NFKBIE: variants seen among roughly 807,000 people sequenced by gnomAD.
The protein encoded by NFKBIE is NF-kappa-B inhibitor epsilon.
Under a neutral mutation model 31.6 loss-of-function variants are expected in NFKBIE, and 11 were observed. The observed-to-expected ratio is 0.35, with a 90% CI of 0.22 to 0.58. The LOEUF (loss-of-function observed/expected upper bound fraction) is 0.58. Among genes scored for constraint, NFKBIE ranks in the 20% least tolerant of loss-of-function variants. NFKBIE has a pLI of 0.83. For missense variants in NFKBIE, 354 were observed against 465.7 expected (o/e 0.76, Z 2.21); for synonymous variants, 208 against 210.1 (o/e 0.99, Z 0.09).
chr6:44,261,491 A>C lies in NFKBIE; in HGVS notation c.691+135T>G, dbSNP rs1781919312. 4 of 798,492 alleles carry C rather than the reference A, an allele frequency of 5.0e-6. No individual in the cohort carries two copies. Among genetic ancestry groups the C allele is most frequent in the South Asian group, 1.8e-5 (1 of 56,584 alleles). The allele number at this position is 798,492 out of a possible 1,614,324, so 49.5% of individuals were successfully genotyped here. ...TCATTCATTTGGCAAAGATGTACTG[A>C]ATATCTATGTGCTTACAGTGGGAGG... On this transcript the variant is annotated intron_variant, in intron 3 of 5. Transcript: ENST00000619360. This position sits in a 1 kb window ranked among gnomAD's most constrained non-coding sequence, Gnocchi z 4.3.
intron 1 of NFKBIE, among the ~76,000 whole-genome samples, chr6:44,264,758 T>C (rs896385538): frequency 1.3e-5 from 2 of 152,188 alleles, no homozygotes; most frequent in African/African-American, 4.8e-5. Context: ...AGATGCTGGC[T>C]GGGTTAAGGG....
At chr6:44,262,434 T>TCTGAGC in intron 2 of NFKBIE, 126 bp downstream of exon 2, 3 of 772,428 alleles carry the variant, frequency 3.9e-6, no homozygotes, top group Non-Finnish European at 6.5e-6. Flanking sequence ...GTCTGTCTCC[T>TCTGAGC]CAGTTTCTAG....
At position 44,260,790 on chromosome 6, in the gene NFKBIE, C is replaced by A. The variant is rs1205634412; in HGVS notation, c.692-251G>T. 6.6e-6 allele frequency among the ~76,000 whole-genome samples: 1 copy of A among 151,334 alleles called. No individual in the cohort carries two copies. ...TCAGGGGTCAGGCTGCTGAGTGACA[C>A]CCCCAAAGAACACCCTCCTCCTATA... is the stretch of plus-strand genomic sequence containing the variant. On this transcript the variant is annotated intron_variant, in intron 3 of 5. Transcript: ENST00000619360. This position sits in a 1 kb window ranked among gnomAD's most constrained non-coding sequence, Gnocchi z 5.5.
At position 44,265,516 on chromosome 6, in the gene NFKBIE, G is replaced by A; in HGVS notation, c.-170C>T. ...GGGGCCGGCGCGCAGCGAGGACAAG[G>A]TTCGGAGCGCTGGCCAGGTCCACCC... On this transcript the variant is annotated 5_prime_UTR_variant, in exon 1 of 6. Transcript: ENST00000619360. 3 of 1,559,966 alleles carry A rather than the reference G, an allele frequency of 1.9e-6. No homozygotes were observed. The highest frequency in any genetic ancestry group is 2.6e-6 in the Non-Finnish European group (3 of 1,154,492).
At chr6:44,262,515 A>C in intron 2 of NFKBIE, 45 bp downstream of exon 2, 1 of 1,538,398 alleles carries the variant, frequency 6.5e-7, no homozygotes. Flanking sequence ...AATGGCTGCC[A>C]GGGCACAAAC....
At position 44,262,475 on chromosome 6, in the gene NFKBIE, A is replaced by G. The variant is rs908415722; in HGVS notation, c.468+85T>C. 7 of 1,172,812 alleles carry G rather than the reference A, an allele frequency of 6.0e-6. No individual in the cohort carries two copies. In the African/African-American group the frequency reaches 6.1e-5, roughly 10 times the overall value. 72.7% of individuals were successfully genotyped at this position (1,172,812 alleles called of 1,614,324 possible). On this transcript the variant is annotated intron_variant, in intron 2 of 5. Transcript: ENST00000619360. ...TGTCTGGCATATGGTTTCCTAAGTG[A>G]GCAGCCTTTGGACTGGTATGGCTGC...
At position 44,264,973 on chromosome 6, in the gene NFKBIE, C is replaced by G. The variant is rs536739254; in HGVS notation, c.365+9G>C. ...TAGCATCCCGATTCAGCCTAGCCCCCATACTCACGTGTCTCCGTCCTCGGA... is the reference window on the plus strand; with the variant it reads ...TAGCATCCCGATTCAGCCTAGCCCCGATACTCACGTGTCTCCGTCCTCGGA... On this transcript the variant is annotated intron_variant, in intron 1 of 5. Transcript: ENST00000619360. 6.7e-4 allele frequency: 1,050 copies of G among 1,559,260 alleles called. 2 individuals carry two copies. Among genetic ancestry groups the G allele is most frequent in the Non-Finnish European group, 8.8e-4 (1,013 of 1,152,300 alleles).
rs1259960253 is a variant in NFKBIE, at chr6:44,265,045, T to C, written c.302A>G (p.His101Arg). ...CTGCTGAGGGCTCAGCGCCCCCACG[T>C]GGGGGAGTGGCAGGCGTGGGGCCGG... ...EDPAPRLPLP[H>R]VGALSPQQLE... The change falls in exon 1 of 6, where the codon CAC (histidine) becomes CGC (arginine). Residue 101 changes from histidine to arginine, a missense_variant. By Grantham distance (29) the His-to-Arg change is conservative (BLOSUM62 0). Transcript: ENST00000619360. The C allele has an allele frequency of 6.3e-7, 1 of 1,583,936 alleles. No homozygotes were observed. Among genetic ancestry groups the C allele is most frequent in the East Asian group, 2.3e-5 (1 of 43,950 alleles).
At position 44,263,435 on chromosome 6, in the gene NFKBIE, G is replaced by C. The variant is rs28362185; in HGVS notation, c.366-773C>G. Among the ~76,000 whole-genome samples, 1 of 152,100 alleles carries C rather than the reference G, an allele frequency of 6.6e-6. No individual in the cohort carries two copies. The highest frequency in any genetic ancestry group is 1.5e-5 in the Non-Finnish European group (1 of 68,012). On this transcript the variant is annotated intron_variant, in intron 1 of 5. Transcript: ENST00000619360. The surrounding 1 kb of genome is among the most constrained non-coding windows in gnomAD (Gnocchi z 5.0). ...AAGCCAGTGATGGAGGGTCTAGGCC[G>C]GGACAGCTGCCTTGGGGCATTAGTG...
Position 44,263,780 on chromosome 6 carries a change from C to G in NFKBIE, c.366-1118G>C, listed in dbSNP as rs1782013452. ...TCGCTGGGGAGCCCGGACATTTCTC[C>G]CCTCCACACACACACCCAATCTGGA... On this transcript the variant is annotated intron_variant, in intron 1 of 5. Transcript: ENST00000619360. This position sits in a 1 kb window ranked among gnomAD's most constrained non-coding sequence, Gnocchi z 5.0. Among the ~76,000 whole-genome samples, 1 of 152,126 alleles carries G rather than the reference C, an allele frequency of 6.6e-6. No individual in the cohort carries two copies. Among genetic ancestry groups the G allele is most frequent in the Non-Finnish European group, 1.5e-5 (1 of 68,022 alleles).
In NFKBIE at chr6:44,260,145, A is replaced by G. The variant is rs1383064417; in HGVS notation, c.918T>C (p.Ala306=). The G allele has an allele frequency of 3.1e-6, 5 of 1,614,240 alleles. No homozygotes were observed. In the Admixed American group the frequency reaches 6.7e-5, roughly 22 times the overall value. Residue 306 remains alanine, a synonymous_variant, in exon 5 of 6, where the codon GCT becomes GCC. Transcript: ENST00000619360. The surrounding 1 kb of genome is among the most constrained non-coding windows in gnomAD (Gnocchi z 5.5). The part of the protein sequence containing the change: ...LNGCTPLHLA[A]GRGLMGISST... ...ATGAGATGCCCATGAGACCCCGGCC[A>G]GCTGCCAGGTGCAGGGGTGTGCACC...
chr6:44,260,652 C>A lies in NFKBIE; in HGVS notation c.692-113G>T. ...AAGGGACTCACAGCCCACTCAATGT[C>A]TCTAATCACAAGACTGTTAAAATGC... On this transcript the variant is annotated intron_variant, in intron 3 of 5. Coordinates refer to ENST00000619360, the MANE Select transcript of NFKBIE (RefSeq NM_004556.3). The surrounding 1 kb of genome is among the most constrained non-coding windows in gnomAD (Gnocchi z 5.5). 1.0e-6 allele frequency: 1 copy of A among 964,954 alleles called. No individual in the cohort carries two copies. The highest frequency in any genetic ancestry group is 1.7e-6 in the Non-Finnish European group (1 of 605,398). 59.8% of individuals were successfully genotyped at this position (964,954 alleles called of 1,614,324 possible). A position where few individuals can be genotyped will look rare whatever the true frequency, so the allele number is the denominator to read the frequency against.
At chr6:44,259,592 G>A (rs543015118) in intron 5 of NFKBIE, among the ~76,000 whole-genome samples, 6 of 151,578 alleles carry the variant, frequency 4.0e-5, no homozygotes, top group African/African-American at 9.7e-5. Flanking sequence ...GGGGTGGGGG[G>A]GCTGCTGGGT....
chr6:44,264,921 G>C, intron 1 of NFKBIE, 61 bp downstream of exon 1: 1 of 1,526,016 alleles, frequency 6.6e-7, no homozygotes, highest in South Asian at 1.2e-5. Flanking sequence ...TGCCCGACCT[G>C]TTGCGGCTCT....
rs1781937816 is a variant in NFKBIE, at chr6:44,261,939, ATCT to A, written c.469-94_469-92del. ...GGCTCAAGAATCACCAGCTGCCAGC[ATCT>A]TCTTTGAAAGCAGCTTATAAAGGCC... On this transcript the variant is annotated intron_variant, in intron 2 of 5. Coordinates refer to ENST00000619360, the MANE Select transcript of NFKBIE (RefSeq NM_004556.3). The surrounding 1 kb of genome is among the most constrained non-coding windows in gnomAD (Gnocchi z 4.3). 7 of 1,217,744 alleles carry A rather than the reference ATCT, an allele frequency of 5.7e-6. No homozygotes were observed. The East Asian group carries it at 1.5e-4, about 27-fold the overall frequency. 75.4% of individuals were successfully genotyped at this position (1,217,744 alleles called of 1,614,324 possible).
In NFKBIE at chr6:44,263,668, C is replaced by T. The variant is rs1260441628; in HGVS notation, c.366-1006G>A. The stretch of plus-strand genomic sequence containing the variant: ...TCCCTCTCTCCCCCAGTATCCCCTC[C>T]TCCCACTTCCTCTTCCCACTTCCAT... On this transcript the variant is annotated intron_variant, in intron 1 of 5. Transcript: ENST00000619360. The surrounding 1 kb of genome is among the most constrained non-coding windows in gnomAD (Gnocchi z 5.0). 6.6e-6 allele frequency among the ~76,000 whole-genome samples: 1 copy of T among 150,876 alleles called. No homozygotes were observed. The highest frequency in any genetic ancestry group is 1.5e-5 in the Non-Finnish European group (1 of 67,132).
chr6:44,261,654 AGAGT>A lies in NFKBIE; in HGVS notation c.659_662del (p.His220LeufsTer71). 6.2e-7 allele frequency: 1 copy of A among 1,614,190 alleles called. No individual in the cohort carries two copies. Among genetic ancestry groups the A allele is most frequent in the Non-Finnish European group, 8.5e-7 (1 of 1,180,016 alleles). On this transcript the variant is annotated frameshift_variant, in exon 3 of 6. Coordinates refer to ENST00000619360, the MANE Select transcript of NFKBIE (RefSeq NM_004556.3). LOFTEE classifies it high-confidence loss of function. This position sits in a 1 kb window ranked among gnomAD's most constrained non-coding sequence, Gnocchi z 4.3. Reference sequence around the variant, plus strand: ...GCCAGTTTTGCAGCTGGAGGTCCAGAGAGTGAGATGTTCCTCTGCCTGGCTCTGG... The same window carrying A: ...GCCAGTTTTGCAGCTGGAGGTCCAGAGAGATGTTCCTCTGCCTGGCTCTGG...
In NFKBIE at chr6:44,260,684, C is replaced by CA. The variant is rs1781865695; in HGVS notation, c.692-146dup. 2.6e-6 allele frequency: 2 copies of CA among 765,494 alleles called. No individual in the cohort carries two copies. Among genetic ancestry groups the CA allele is most frequent in the Admixed American group, 4.3e-5 (2 of 46,230 alleles). 47.4% of individuals were successfully genotyped at this position (765,494 alleles called of 1,614,324 possible). A position where few individuals can be genotyped will look rare whatever the true frequency, so the allele number is the denominator to read the frequency against. On this transcript the variant is annotated intron_variant, in intron 3 of 5. Coordinates refer to ENST00000619360, the MANE Select transcript of NFKBIE (RefSeq NM_004556.3). This position sits in a 1 kb window ranked among gnomAD's most constrained non-coding sequence, Gnocchi z 5.5. ...CACAAGACTGTTAAAATGCAAACCCCAAAACCCCCTCAAAAGTCTAAGGGG... is the reference window on the plus strand; with the variant it reads ...CACAAGACTGTTAAAATGCAAACCCCAAAAACCCCCTCAAAAGTCTAAGGGG...
Position 44,261,659 on chromosome 6 carries a change from G to A in NFKBIE, c.658C>T (p.His220Tyr), listed in dbSNP as rs1781925094. 1.2e-6 allele frequency: 2 copies of A among 1,614,222 alleles called. No homozygotes were observed. Among genetic ancestry groups the A allele is most frequent in the Non-Finnish European group, 1.7e-6 (2 of 1,180,036 alleles). ...GRPEPGRGTS[H>Y]SLDLQLQNWQ... The stretch of plus-strand genomic sequence containing the variant: ...TTTTGCAGCTGGAGGTCCAGAGAGT[G>A]AGATGTTCCTCTGCCTGGCTCTGGC... The change falls in exon 3 of 6, where the codon CAC (histidine) becomes TAC (tyrosine). Residue 220 changes from histidine to tyrosine, a missense_variant. Physicochemically the swap from His to Tyr is moderately conservative, Grantham distance 83. This residue lies in a region of NFKBIE where 183 missense variants were observed against 310.6 expected (regional missense o/e 0.59). Transcript: ENST00000619360. The surrounding 1 kb of genome is among the most constrained non-coding windows in gnomAD (Gnocchi z 4.3).
Sources: allele counts gnomAD v4.1 joint callset (sites outside exome capture counted in the v4.1 genomes callset), GRCh38; gene constraint gnomAD v4.1.1; regional missense constraint gnomAD v4.1.1; non-coding constraint Gnocchi (gnomAD v3.1); transcripts MANE v1.5; gene names NCBI Gene and HGNC (gene_info 2026-07-23, HGNC 2026-07-21).